Variants in TMEM132C observed in about 807,000 individuals in gnomAD.
TMEM132C encodes transmembrane protein 132C.
TMEM132C carries 29 observed loss-of-function variants against 61.4 expected under a neutral mutation model. The ratio of observed to expected loss-of-function variants is 0.47; its 90% CI spans 0.35 to 0.64. The LOEUF (loss-of-function observed/expected upper bound fraction) is 0.64. Among genes scored for constraint, TMEM132C ranks in the 30% least tolerant of loss-of-function variants. TMEM132C has a pLI of 0.00. For synonymous variants in TMEM132C, 656 were observed against 633.1 expected, an observed-to-expected ratio of 1.04 and a Z score of -0.54; for missense variants, 1,408 against 1,476.9, an observed-to-expected ratio of 0.95 and a Z score of 0.76.
chr12:128,538,536 G>A (rs927032463), intron 2 of TMEM132C, among the ~76,000 whole-genome samples: 5 of 152,148 alleles, frequency 3.3e-5, no homozygotes, highest in African/African-American at 9.7e-5. Flanking sequence ...TTACAAGTGT[G>A]AGCCACCAAA....
intron 1 of TMEM132C, among the ~76,000 whole-genome samples, chr12:128,402,344 G>C (rs1460058143): frequency 6.6e-6 from 1 of 152,042 alleles, no homozygotes; most frequent in African/African-American, 2.4e-5. Context: ...TCATCACCCA[G>C]GTATTAAGCC....
chr12:128,493,804 A>G (rs1295426130), intron 2 of TMEM132C, among the ~76,000 whole-genome samples: 1 of 152,192 alleles, frequency 6.6e-6, no homozygotes, highest in East Asian at 1.9e-4. Flanking sequence ...AACAGGGACA[A>G]TTTGACTTCC....
At chr12:128,302,176 CATTGG>C (rs2135919198) in intron 1 of TMEM132C, among the ~76,000 whole-genome samples, 2 of 152,312 alleles carry the variant, frequency 1.3e-5, no homozygotes, top group Admixed American at 1.3e-4. Context: ...TTGTGCCTGA[CATTGG>C]TGAAGTGCTG....
At chr12:128,681,539 T>C (rs1405075905) in intron 5 of TMEM132C, among the ~76,000 whole-genome samples, 2 of 152,190 alleles carry the variant, frequency 1.3e-5, no homozygotes, top group Admixed American at 1.3e-4. Context: ...AAGTAATCAG[T>C]ATTTTTATGT....
chr12:128,268,588 C>T (rs1383627303), intron 1 of TMEM132C, among the ~76,000 whole-genome samples: 1 of 152,066 alleles, frequency 6.6e-6, no homozygotes, highest in Non-Finnish European at 1.5e-5. Flanking sequence ...CTTCGCGCGG[C>T]GCCGCGGGTC....
At chr12:128,632,150 C>T (rs1210015583) in intron 4 of TMEM132C, among the ~76,000 whole-genome samples, 1 of 152,166 alleles carries the variant, frequency 6.6e-6, no homozygotes, top group African/African-American at 2.4e-5. Context: ...GTGAGGCATC[C>T]GGGCCTTCAC....
In TMEM132C at chr12:128,451,010, AT is replaced by A. The variant is rs1350694389; in HGVS notation, c.974+35391del. On this transcript the variant is annotated intron_variant, in intron 2 of 8. Transcript: ENST00000435159. The stretch of plus-strand genomic sequence containing the variant: ...TAAGCCGAAAGCATGAATATTCATG[AT>A]GCTGTTAAACAAGATTTTTATTGAA... Among the ~76,000 whole-genome samples the A allele has an allele frequency of 3.9e-5, 6 of 152,154 alleles. 1 individual carries two copies. Among genetic ancestry groups the A allele is most frequent in the Non-Finnish European group, 8.8e-5 (6 of 68,022 alleles).
chr12:128,432,999 CAAAAAATA>C (rs1203722902), intron 2 of TMEM132C, among the ~76,000 whole-genome samples: 6 of 96,964 alleles, frequency 6.2e-5, no homozygotes, highest in South Asian at 4.6e-4. Flanking sequence ...CTCCACCAGC[CAAAAAATA>C]AATAAATAAA....
chr12:128,681,491 C>T (rs1383542826), intron 5 of TMEM132C, among the ~76,000 whole-genome samples: 3 of 152,066 alleles, frequency 2.0e-5, no homozygotes, highest in African/African-American at 7.2e-5. Flanking sequence ...TAAGAGATTT[C>T]CTGGCTTCTG....
chr12:128,553,287 C>A (rs1874231931), intron 3 of TMEM132C, among the ~76,000 whole-genome samples: 1 of 152,190 alleles, frequency 6.6e-6, no homozygotes, highest in Non-Finnish European at 1.5e-5. Flanking sequence ...GCAGACCAAG[C>A]TGAGATTTTC....
At chr12:128,384,821 C>T (rs1874523639) in intron 1 of TMEM132C, among the ~76,000 whole-genome samples, 1 of 152,214 alleles carries the variant, frequency 6.6e-6, no homozygotes, top group Non-Finnish European at 1.5e-5. Context: ...TCCACCAACC[C>T]TCCCTTCAAA....
chr12:128,503,056 A>T (rs1872235408), intron 2 of TMEM132C, among the ~76,000 whole-genome samples: 2 of 152,204 alleles, frequency 1.3e-5, no homozygotes, highest in Non-Finnish European at 2.9e-5. Context: ...GTGTCTCATT[A>T]TTCAGGTTCT....
At chr12:128,437,130 A>C (rs1319124115) in intron 2 of TMEM132C, among the ~76,000 whole-genome samples, 3 of 151,944 alleles carry the variant, frequency 2.0e-5, no homozygotes, top group African/African-American at 4.8e-5. Flanking sequence ...GGAACATCAC[A>C]CACTGGGGCA....
intron 4 of TMEM132C, among the ~76,000 whole-genome samples, chr12:128,641,784 CGTTTTTATTTTTTAA>C (rs1274639350): frequency 6.6e-6 from 1 of 152,046 alleles, no homozygotes; most frequent in Non-Finnish European, 1.5e-5. Flanking sequence ...ATTATTTTCC[CGTTTTTATTTTTTAA>C]GTTTTTATTT....
intron 2 of TMEM132C, among the ~76,000 whole-genome samples, chr12:128,471,821 G>T (rs905393075): frequency 3.3e-5 from 5 of 152,194 alleles, no homozygotes; most frequent in African/African-American, 1.2e-4. Context: ...GATGGTGGCT[G>T]CCCTGAAGTC....
chr12:128,286,321 C>T (rs2135904070), intron 1 of TMEM132C, among the ~76,000 whole-genome samples: 1 of 152,300 alleles, frequency 6.6e-6, no homozygotes, highest in South Asian at 2.1e-4. Flanking sequence ...TGGATGCAGG[C>T]TTACAAACTC....
At chr12:128,559,096 A>AAC (rs368220802) in intron 3 of TMEM132C, among the ~76,000 whole-genome samples, 1,773 of 149,212 alleles carry the variant, frequency 0.012, 17 homozygotes, top group South Asian at 0.022. Flanking sequence ...TGCATATGCA[A>AAC]ACACACACAC....
intron 3 of TMEM132C, among the ~76,000 whole-genome samples, chr12:128,600,172 C>G (rs561111545): frequency 2.0e-5 from 3 of 152,128 alleles, no homozygotes; most frequent in Admixed American, 2.0e-4. Flanking sequence ...TTAGTAGAGA[C>G]GAGGTTTCAC....
chr12:128,358,065 G>C (rs931877659), intron 1 of TMEM132C, among the ~76,000 whole-genome samples: 1 of 152,072 alleles, frequency 6.6e-6, no homozygotes, highest in African/African-American at 2.4e-5. Context: ...TCTGTGGGGA[G>C]AGACCCCTGT....
Sources: allele counts gnomAD v4.1 joint callset (sites outside exome capture counted in the v4.1 genomes callset), GRCh38; gene constraint gnomAD v4.1.1; transcripts MANE v1.5; gene names NCBI Gene and HGNC (gene_info 2026-07-23, HGNC 2026-07-21).